FCGR2B: variants seen among roughly 807,000 people sequenced by gnomAD.
FCGR2B encodes Fc gamma receptor IIb.
Under a neutral mutation model 24.8 loss-of-function variants are expected in FCGR2B, and 18 were observed. The observed-to-expected ratio is 0.73, with a 90% CI of 0.50 to 1.08. FCGR2B has a LOEUF of 1.08. Ranked by LOEUF, FCGR2B falls within the 50% of genes least tolerant of loss-of-function variation. The pLI is 0.00. For synonymous variants in FCGR2B, 79 were observed against 109.8 expected, an observed-to-expected ratio of 0.72 and a Z score of 1.75; for missense variants, 215 against 297.6, an observed-to-expected ratio of 0.72 and a Z score of 2.04.
upstream of FCGR2B, among the ~76,000 whole-genome samples, chr1:161,661,195 AAAG>A (rs1681008061): frequency 8.9e-5 from 2 of 22,444 alleles, no homozygotes; most frequent in Non-Finnish European, 1.9e-4. Flanking sequence ...GAAAGGAAAG[AAAG>A]AAAGAAAGAA....
At chr1:161,661,171 AAGG>A (rs1196146107), upstream of FCGR2B, among the ~76,000 whole-genome samples, 55 of 122,268 alleles carry the variant, frequency 4.5e-4, 1 homozygote, top group African/African-American at 1.8e-3. Context: ...AGAAAGAAAG[AAGG>A]AAGGAAGGAA....
chr1:161,647,943 G>A, the FCGR2B span, among the ~76,000 whole-genome samples: 9 of 150,956 alleles, frequency 6.0e-5, no homozygotes, highest in South Asian at 2.1e-4. Flanking sequence ...ACGACCCTTC[G>A]TCTTGTGAAC....
intron 3 of FCGR2B, chr1:161,672,208 A>G (rs1374182711): frequency 6.4e-6 from 1 of 156,790 alleles, no homozygotes. Context: ...CCAGCATCTG[A>G]AACTGGGCAG....
chr1:161,654,527 C>A, the FCGR2B span, among the ~76,000 whole-genome samples: 2 of 134,586 alleles, frequency 1.5e-5, no homozygotes, highest in Non-Finnish European at 3.5e-5. Context: ...ATGGCTGCTC[C>A]ATTACCTAGG....
At chr1:161,654,869 GT>G in the FCGR2B span, among the ~76,000 whole-genome samples, 2 of 137,112 alleles carry the variant, frequency 1.5e-5, no homozygotes, top group East Asian at 1.9e-4. Flanking sequence ...TGTATTATCT[GT>G]TTTTTTTCAG....
In FCGR2B at chr1:161,669,542, C is replaced by A. The variant is rs57335999; in HGVS notation, c.113-710C>A. ...CCAAGATCGCGTTATTGCACTCCAG[C>A]CTGGGTGACAGAGTGAGACCCTGTC... On this transcript the variant is annotated intron_variant, in intron 1 of 7. Transcript: ENST00000358671. 1.4e-5 allele frequency among the ~76,000 whole-genome samples: 2 copies of A among 141,474 alleles called. 1 individual carries two copies. Among genetic ancestry groups the A allele is most frequent in the African/African-American group, 5.0e-5 (2 of 40,092 alleles). The allele number at this position is 141,474 out of a possible 152,430, so 92.8% of individuals were successfully genotyped here. A position where few individuals can be genotyped will look rare whatever the true frequency, so the allele number is the denominator to read the frequency against.
Position 161,675,231 on chromosome 1 carries a change from A to G in FCGR2B, c.761-26A>G, listed in dbSNP as rs200170391. ...GACTCAGGCCCCACCGCCTAATCCT[A>G]CTAACCTCCTGTGTGCCCCTCCCAG... On this transcript the variant is annotated intron_variant, in intron 5 of 7. Transcript: ENST00000358671. The G allele has an allele frequency of 8.9e-4, 1,416 of 1,584,618 alleles. 6 individuals carry two copies. Among genetic ancestry groups the G allele is most frequent in the South Asian group, 4.1e-3 (364 of 88,570 alleles).
chr1:161,671,540 C>T lies in FCGR2B; in HGVS notation c.282C>T (p.His94=), dbSNP rs769094191. 1.2e-6 allele frequency: 2 copies of T among 1,614,212 alleles called. No individual in the cohort carries two copies. The highest frequency in any genetic ancestry group is 1.7e-6 in the Non-Finnish European group (2 of 1,180,034). ...ACAATGGGAATCTCATTCCCACCCA[C>T]ACGCAGCCCAGCTACAGGTTCAAGG... ...WFHNGNLIPT[H]TQPSYRFKAN... is the part of the protein sequence containing the mutation. The change falls in exon 3 of 8, where the codon CAC becomes CAT. Residue 94 remains histidine (H), a synonymous_variant. Transcript: ENST00000358671.
the FCGR2B span, among the ~76,000 whole-genome samples, chr1:161,652,045 A>AGGGT: frequency 9.6e-6 from 1 of 104,580 alleles, no homozygotes; most frequent in African/African-American, 3.1e-5. Flanking sequence ...TATGTTTAGG[A>AGGGT]GTGTGTGTGT....
chr1:161,648,657 C>A, the FCGR2B span, among the ~76,000 whole-genome samples: 2 of 150,924 alleles, frequency 1.3e-5, no homozygotes, highest in Non-Finnish European at 2.9e-5. Flanking sequence ...TACTCTGTGG[C>A]TTTCCTACTA....
intron 5 of FCGR2B, chr1:161,674,337 T>A (rs1681939096): frequency 3.1e-6 from 1 of 319,402 alleles, no homozygotes. Flanking sequence ...CTCAGCATTG[T>A]GAGGAAGACA....
chr1:161,648,985 G>A, the FCGR2B span, among the ~76,000 whole-genome samples: 7 of 151,082 alleles, frequency 4.6e-5, no homozygotes, highest in African/African-American at 7.3e-5. Context: ...AATCTGTAAT[G>A]TATATTTGGG....
chr1:161,647,297 C>CTTTTTTTTTTTTTTTT, the FCGR2B span, among the ~76,000 whole-genome samples: 6 of 122,564 alleles, frequency 4.9e-5, no homozygotes, highest in African/African-American at 2.0e-4. Flanking sequence ...GCTCTGGACT[C>CTTTTTTTTTTTTTTTT]TTTTTTTTTT....
chr1:161,676,322 C>T (rs3767641), intron 6 of FCGR2B: 29,123 of 194,810 alleles, frequency 0.15, 2,824 homozygotes, highest in African/African-American at 0.26. Context: ...GCAGCAAGGT[C>T]GCATGTCTGC....
At chr1:161,671,809 G>C in intron 3 of FCGR2B, 160 bp downstream of exon 3, 1 of 1,397,052 alleles carries the variant, frequency 7.2e-7, no homozygotes, top group Non-Finnish European at 9.6e-7. Flanking sequence ...CCTCAGTTCT[G>C]ATTGAACAGA....
At chr1:161,677,023 T>G in intron 6 of FCGR2B, 4 of 413,496 alleles carry the variant, frequency 9.7e-6, no homozygotes, top group Non-Finnish European at 1.7e-5. Context: ...TCTTCCCCAA[T>G]ATCTCAGATC....
At chr1:161,649,593 G>A in the FCGR2B span, among the ~76,000 whole-genome samples, 3 of 150,622 alleles carry the variant, frequency 2.0e-5, no homozygotes, top group Non-Finnish European at 4.4e-5. Context: ...GAGGCAGGAT[G>A]ACTAGTTAAA....
intron 4 of FCGR2B, 144 bp downstream of exon 4, chr1:161,673,373 C>G (rs1169015621): frequency 6.6e-7 from 1 of 1,511,130 alleles, no homozygotes; most frequent in Non-Finnish European, 9.0e-7. Context: ...GGAGGCCTGG[C>G]TAAGTATTGA....
chr1:161,676,997 A>AC, intron 6 of FCGR2B: 1 of 409,086 alleles, frequency 2.4e-6, no homozygotes, highest in Non-Finnish European at 4.4e-6. Context: ...GATGCTGAAC[A>AC]CCCCCCTCCC....
Sources: gnomAD v4.1 joint callset for allele counts (sites outside exome capture counted in the v4.1 genomes callset) on GRCh38, gnomAD v4.1.1 for gene constraint, MANE v1.5 for transcripts, NCBI Gene and HGNC (gene_info 2026-07-23, HGNC 2026-07-21) for gene names.